The following ADCY2 variants were observed in gnomAD, a reference collection of about 807,000 sequenced individuals.
ADCY2 encodes adenylate cyclase 2.
ADCY2 carries 31 observed loss-of-function variants against 125.2 expected under a neutral mutation model. The ratio of observed to expected loss-of-function variants is 0.25; its 90% CI spans 0.19 to 0.33. ADCY2 has a LOEUF of 0.33. Ranked by LOEUF, ADCY2 falls within the 10% of genes least tolerant of loss-of-function variation. The pLI, the probability that ADCY2 is intolerant of heterozygous loss-of-function variation, is 1.00. For missense variants in ADCY2, 904 were observed against 1,418.2 expected, an observed-to-expected ratio of 0.64 and a Z score of 5.82; for synonymous variants, 512 against 548.4, an observed-to-expected ratio of 0.93 and a Z score of 0.93.
intron 4 of ADCY2, among the ~76,000 whole-genome samples, chr5:7,634,129 G>C (rs1738415000): frequency 6.6e-6 from 1 of 152,100 alleles, no homozygotes; most frequent in African/African-American, 2.4e-5. Context: ...GGGGGGGAAA[G>C]GCATTTTGAA....
intron 12 of ADCY2, among the ~76,000 whole-genome samples, chr5:7,720,538 C>T (rs554301051): frequency 3.0e-4 from 45 of 151,714 alleles, no homozygotes; most frequent in Admixed American, 1.4e-3. Flanking sequence ...CTAATGCTAT[C>T]CTCCCCTCTC....
chr5:7,474,301 A>G (rs964685885), intron 2 of ADCY2, among the ~76,000 whole-genome samples: 6 of 152,228 alleles, frequency 3.9e-5, no homozygotes, highest in African/African-American at 1.4e-4. Flanking sequence ...ACTGCATACA[A>G]GGACAGACTT....
chr5:7,760,303 C>G (rs1228520469), intron 16 of ADCY2, among the ~76,000 whole-genome samples: 1 of 152,224 alleles, frequency 6.6e-6, no homozygotes, highest in Non-Finnish European at 1.5e-5. Context: ...TGCCAAGCAC[C>G]AAGTGGACTT....
intron 4 of ADCY2, among the ~76,000 whole-genome samples, chr5:7,638,757 C>T (rs1381954630): frequency 2.0e-5 from 3 of 152,168 alleles, no homozygotes; most frequent in East Asian, 1.9e-4. Context: ...CTGTTTAGGG[C>T]CCATTTCTGC....
rs76549141 is a variant in ADCY2 at position 7,772,123 on chromosome 5, T to C, written c.2215-809T>C. Among the ~76,000 whole-genome samples the C allele has an allele frequency of 9.1e-3, 1,390 of 152,340 alleles. 16 individuals carry two copies. The highest frequency in any genetic ancestry group is 0.032 in the African/African-American group (1,334 of 41,588). Reference sequence around the variant, plus strand: ...TGATTACCCTCATTTTACAGTGTCATGCGGACACTGTGATATAAGCAAGTT... The same window carrying C: ...TGATTACCCTCATTTTACAGTGTCACGCGGACACTGTGATATAAGCAAGTT... On this transcript the variant is annotated intron_variant, in intron 17 of 24. Coordinates refer to ENST00000338316, the MANE Select transcript of ADCY2 (RefSeq NM_020546.3).
intron 3 of ADCY2, among the ~76,000 whole-genome samples, chr5:7,625,260 G>A (rs1197396923): frequency 1.3e-5 from 2 of 152,292 alleles, no homozygotes; most frequent in African/African-American, 4.8e-5. Context: ...AATTTAAAAT[G>A]TTGTTTCTAC....
In ADCY2 at chr5:7,761,148, C is replaced by CTTTTCTT. The variant is rs747191915; in HGVS notation, c.2094+3566_2094+3567insCTTTTTT. Among the ~76,000 whole-genome samples, 32 of 88,178 alleles carry CTTTTCTT rather than the reference C, an allele frequency of 3.6e-4. 1 individual carries two copies. Among genetic ancestry groups the CTTTTCTT allele is most frequent in the African/African-American group, 1.4e-3 (30 of 21,620 alleles). 57.8% of individuals were successfully genotyped at this position (88,178 alleles called of 152,430 possible). A position where few individuals can be genotyped will look rare whatever the true frequency, so the allele number is the denominator to read the frequency against. On this transcript the variant is annotated intron_variant, in intron 16 of 24. Coordinates refer to ENST00000338316, the MANE Select transcript of ADCY2 (RefSeq NM_020546.3). Reference sequence around the variant, plus strand: ...ATCAAAATTTCTTTTCTTTTCTTTTCTTTTTTTTTTTTTTTTTTTGAGATG... The same window carrying CTTTTCTT: ...ATCAAAATTTCTTTTCTTTTCTTTTCTTTTCTTTTTTTTTTTTTTTTTTTTTGAGATG...
At chr5:7,534,746 C>T (rs1203962427) in intron 3 of ADCY2, among the ~76,000 whole-genome samples, 9 of 152,172 alleles carry the variant, frequency 5.9e-5, no homozygotes, top group Non-Finnish European at 1.3e-4. Flanking sequence ...TCTGGGCAGA[C>T]GAGAAGCAGA....
intron 2 of ADCY2, among the ~76,000 whole-genome samples, chr5:7,468,179 A>G (rs1742196665): frequency 6.6e-6 from 1 of 152,246 alleles, no homozygotes; most frequent in Non-Finnish European, 1.5e-5. Flanking sequence ...AATGCCAACA[A>G]ATAAATCAAT....
intron 3 of ADCY2, among the ~76,000 whole-genome samples, chr5:7,549,574 C>T (rs1402001266): frequency 2.0e-5 from 3 of 152,224 alleles, no homozygotes; most frequent in African/African-American, 4.8e-5. Context: ...CAAGCAAGTG[C>T]TCATTTGCTG....
chr5:7,712,548 C>T (rs896208133), intron 10 of ADCY2, among the ~76,000 whole-genome samples: 1 of 152,188 alleles, frequency 6.6e-6, no homozygotes, highest in African/African-American at 2.4e-5. Flanking sequence ...TGATATCAGT[C>T]GCCGGCAGGC....
chr5:7,736,822 C>T (rs942187932), intron 14 of ADCY2, among the ~76,000 whole-genome samples: 4 of 151,982 alleles, frequency 2.6e-5, no homozygotes, highest in African/African-American at 9.7e-5. Context: ...CAAAATAAAC[C>T]TTATGATTTG....
At chr5:7,693,405 T>C (rs1423778348) in intron 5 of ADCY2, among the ~76,000 whole-genome samples, 2 of 65,160 alleles carry the variant, frequency 3.1e-5, no homozygotes, top group African/African-American at 1.2e-4. Flanking sequence ...AATTGCCTGC[T>C]GTTTTTTGTT....
At chr5:7,622,853 G>T (rs1165264521) in intron 3 of ADCY2, among the ~76,000 whole-genome samples, 1 of 152,234 alleles carries the variant, frequency 6.6e-6, no homozygotes, top group Non-Finnish European at 1.5e-5. Context: ...TCAGTCTACT[G>T]TTAGGGTTCT....
At chr5:7,408,123 A>G (rs532546815) in intron 1 of ADCY2, among the ~76,000 whole-genome samples, 21 of 151,354 alleles carry the variant, frequency 1.4e-4, no homozygotes, top group East Asian at 1.4e-3. Context: ...GCTCGCCTCA[A>G]CCTCCTAAAT....
intron 4 of ADCY2, among the ~76,000 whole-genome samples, chr5:7,670,353 A>T (rs1427952157): frequency 6.6e-6 from 1 of 152,214 alleles, no homozygotes; most frequent in Non-Finnish European, 1.5e-5. Context: ...GTCTCATAAT[A>T]ATATCCATTT....
intron 2 of ADCY2, among the ~76,000 whole-genome samples, chr5:7,447,059 C>T (rs79551167): frequency 0.022 from 3,322 of 152,192 alleles, 128 homozygotes; most frequent in African/African-American, 0.075. Flanking sequence ...TCTTCACTTT[C>T]GGAGTGCGTC....
intron 3 of ADCY2, among the ~76,000 whole-genome samples, chr5:7,578,398 T>C (rs1277147647): frequency 1.3e-5 from 2 of 152,176 alleles, no homozygotes; most frequent in Non-Finnish European, 2.9e-5. Context: ...GTTCCCCCAG[T>C]GTAAACACTT....
Position 7,427,866 on chromosome 5 carries a change from C to A in ADCY2, c.408+13096C>A, listed in dbSNP as rs993995597. ...TTGCTTTGGAGTGTTTGAAGCCCAGCGGACCTAAAATTCACATCTAGACCT... is the reference window on the plus strand; with the variant it reads ...TTGCTTTGGAGTGTTTGAAGCCCAGAGGACCTAAAATTCACATCTAGACCT... On this transcript the variant is annotated intron_variant, in intron 2 of 24. Coordinates refer to ENST00000338316, the MANE Select transcript of ADCY2 (RefSeq NM_020546.3). Among the ~76,000 whole-genome samples, 5 of 152,310 alleles carry A rather than the reference C, an allele frequency of 3.3e-5. No homozygotes were observed. The South Asian group carries it at 1.0e-3, about 32-fold the overall frequency.
Sources: gnomAD v4.1 joint callset for allele counts (sites outside exome capture counted in the v4.1 genomes callset) on GRCh38, gnomAD v4.1.1 for gene constraint, MANE v1.5 for transcripts, NCBI Gene and HGNC (gene_info 2026-07-23, HGNC 2026-07-21) for gene names.